CLDN14: variants seen among roughly 807,000 people sequenced by gnomAD.
The protein encoded by CLDN14 is claudin 14, also known as claudin-14.
A neutral mutation model predicts 2.1 loss-of-function variants in CLDN14; 2 were observed. The observed-to-expected ratio is 0.96, with a 90% CI of 0.39 to 3.01. The LOEUF (loss-of-function observed/expected upper bound fraction) is 3.01. Among genes scored for constraint, CLDN14 ranks in the 30% most tolerant of loss-of-function variants. CLDN14 has a pLI of 0.09. For synonymous variants in CLDN14, 136 were observed against 154.4 expected (o/e 0.88, Z 0.88); for missense variants, 298 against 328.0 (o/e 0.91, Z 0.71).
At position 36,544,789 on chromosome 21, in the gene CLDN14, T is replaced by A. The variant is rs2087515916; in HGVS notation, c.-220+31622A>T. The stretch of plus-strand genomic sequence containing the variant: ...TGACAGGGGCAAGACTGCAAGGACA[T>A]CCGCGAAGTAAGACATGTGCACAGA... On this transcript the variant is annotated intron_variant, in intron 1 of 2. Coordinates refer to the CLDN14 transcript ENST00000342108. The surrounding 1 kb of genome is among the most constrained non-coding windows in gnomAD (Gnocchi z 4.1). 1.3e-5 allele frequency among the ~76,000 whole-genome samples: 2 copies of A among 152,148 alleles called. No individual in the cohort carries two copies. The highest frequency in any genetic ancestry group is 4.2e-4 in the South Asian group (2 of 4,818).
Position 36,568,474 on chromosome 21 carries a change from T to C in CLDN14, c.-220+7937A>G, listed in dbSNP as rs572480792. 4.8e-3 allele frequency among the ~76,000 whole-genome samples: 735 copies of C among 152,252 alleles called. 3 individuals are homozygous for C. The highest frequency in any genetic ancestry group is 6.3e-3 in the Non-Finnish European group (427 of 68,024). On this transcript the variant is annotated intron_variant, in intron 1 of 2. Transcript: ENST00000342108. ...TCTTTGCTCTGGAGCCCTCTGTCTT[T>C]CCCTAGAGCCCCTGGCATGGGGATG...
intron 1 of CLDN14, chr21:36,542,846 G>A: frequency 6.5e-6 from 1 of 153,946 alleles, no homozygotes. Flanking sequence ...GCCCGCACCT[G>A]CCCCTGCCCC....
exon 2 of CLDN14, chr21:36,510,496 A>G (rs543178465): frequency 1.3e-5 from 2 of 152,424 alleles, no homozygotes; most frequent in East Asian, 3.9e-4. Flanking sequence ...TGGGCCTTGC[A>G]GCCCCTAGAA....
intron 2 of CLDN14, chr21:36,486,324 A>T: frequency 2.4e-6 from 2 of 817,310 alleles, no homozygotes; most frequent in Non-Finnish European, 4.3e-6. Context: ...CATCTTCAGC[A>T]GGACCTCGTC....
chr21:36,527,268 T>A (rs2087339565), intron 1 of CLDN14, among the ~76,000 whole-genome samples: 1 of 152,098 alleles, frequency 6.6e-6, no homozygotes, highest in Non-Finnish European at 1.5e-5. Flanking sequence ...TAATGAGGAG[T>A]TCCTTAGAGA....
rs768411939 is a variant in CLDN14, at chr21:36,461,628, A to G, written c.68T>C (p.Ile23Thr). 1 of 1,590,208 alleles carries G rather than the reference A, an allele frequency of 6.3e-7. No homozygotes were observed. The highest frequency in any genetic ancestry group is 8.6e-7 in the Non-Finnish European group (1 of 1,169,118). Residue 23 changes from isoleucine (I) to threonine (T), a missense_variant, in exon 2 of 2, where the codon ATC becomes ACC. Physicochemically the swap from Ile to Thr is moderately conservative, Grantham distance 89. Transcript: ENST00000399135. Reference protein sequence around the residue: ...LSFLGMVGTLITTILPHWRRT... With the variant: ...LSFLGMVGTLTTTILPHWRRT... ...CCGCCAGTGCGGCAGGATGGTGGTGATCAACGTGCCCACCATGCCCAGGAA... is the reference window on the plus strand; with the variant it reads ...CCGCCAGTGCGGCAGGATGGTGGTGGTCAACGTGCCCACCATGCCCAGGAA...
At chr21:36,541,353 G>C (rs761459490) in intron 1 of CLDN14, among the ~76,000 whole-genome samples, 2 of 152,140 alleles carry the variant, frequency 1.3e-5, no homozygotes, top group Non-Finnish European at 2.9e-5. Flanking sequence ...CTACTGAAAA[G>C]GTGCATAGGT....
chr21:36,480,084 C>T lies in CLDN14; in HGVS notation c.-671G>A, dbSNP rs1284374706. The stretch of plus-strand genomic sequence containing the variant: ...GACTGTGTCCTCCTCTGAGCCACCA[C>T]CTGGCGGTTGTCCTCACACTGCTTT... On this transcript the variant is annotated 5_prime_UTR_variant, in exon 1 of 2. The change creates a new upstream start codon in the 5' untranslated region. Transcript: ENST00000399135. 1 of 152,552 alleles carries T rather than the reference C, an allele frequency of 6.6e-6. No homozygotes were observed. Among genetic ancestry groups the T allele is most frequent in the Non-Finnish European group, 1.5e-5 (1 of 68,284 alleles). 9.4% of individuals were successfully genotyped at this position (152,552 alleles called of 1,614,324 possible). A position where few individuals can be genotyped will look rare whatever the true frequency, so the allele number is the denominator to read the frequency against.
intron 1 of CLDN14, among the ~76,000 whole-genome samples, chr21:36,467,178 C>T (rs1319575996): frequency 6.6e-6 from 1 of 152,110 alleles, no homozygotes; most frequent in Non-Finnish European, 1.5e-5. Context: ...ATGTTGTCTC[C>T]CTCTGTTTTC....
At chr21:36,524,332 G>A (rs1445614963) in intron 1 of CLDN14, among the ~76,000 whole-genome samples, 1 of 152,154 alleles carries the variant, frequency 6.6e-6, no homozygotes, top group African/African-American at 2.4e-5. Flanking sequence ...ATGTTACCCA[G>A]GCTGGTCACA....
In CLDN14 at chr21:36,523,777, A is replaced by G. The variant is rs4816540; in HGVS notation, c.-219-13277T>C. ...AAAAAAAAAAAGAAAGAAAGAGAGA[A>G]AGAGAGAAAGAAAGAAAGAAAGAAA... On this transcript the variant is annotated intron_variant, in intron 1 of 2. Transcript: ENST00000342108. Among the ~76,000 whole-genome samples the G allele has an allele frequency of 3.3e-4, 23 of 68,904 alleles. 5 individuals are homozygous for G. Among genetic ancestry groups the G allele is most frequent in the East Asian group, 1.4e-3 (4 of 2,954 alleles). 45.2% of individuals were successfully genotyped at this position (68,904 alleles called of 152,430 possible).
At chr21:36,520,390 G>A (rs2087260836) in intron 1 of CLDN14, among the ~76,000 whole-genome samples, 1 of 152,214 alleles carries the variant, frequency 6.6e-6, no homozygotes, top group Admixed American at 6.5e-5. Flanking sequence ...ATTCCCATGT[G>A]TTGTGGGAGG....
chr21:36,501,636 C>T (rs982705780), intron 2 of CLDN14, among the ~76,000 whole-genome samples: 1 of 152,068 alleles, frequency 6.6e-6, no homozygotes, highest in Non-Finnish European at 1.5e-5. Context: ...AGATATTCTG[C>T]TGCTTTGACA....
chr21:36,576,275 C>T (rs2087740934), intron 1 of CLDN14: 1 of 152,338 alleles, frequency 6.6e-6, no homozygotes, highest in East Asian at 1.9e-4. Flanking sequence ...TTCTTTCTTT[C>T]CTTGAACTCC....
chr21:36,531,289 A>ATTTT (rs554734832), intron 1 of CLDN14, among the ~76,000 whole-genome samples: 1 of 149,784 alleles, frequency 6.7e-6, no homozygotes. Flanking sequence ...TTTGCTATAA[A>ATTTT]TGTTTTTTTT....
At chr21:36,564,404 A>G (rs2087658169) in intron 1 of CLDN14, among the ~76,000 whole-genome samples, 1 of 152,238 alleles carries the variant, frequency 6.6e-6, no homozygotes, top group African/African-American at 2.4e-5. Context: ...GCCTTCCATT[A>G]ACACCTCTGA....
chr21:36,523,760 A>AATT (rs1167793677), intron 1 of CLDN14, among the ~76,000 whole-genome samples: 1 of 55,084 alleles, frequency 1.8e-5, no homozygotes, highest in Non-Finnish European at 4.9e-5. Flanking sequence ...AAAAAAAAAA[A>AATT]AAGAAAGAAA....
chr21:36,523,606 T>C (rs1439190812), intron 1 of CLDN14, among the ~76,000 whole-genome samples: 2 of 151,188 alleles, frequency 1.3e-5, no homozygotes, highest in African/African-American at 4.9e-5. Context: ...AAATTAGCCA[T>C]GCGTGGTGGT....
intron 1 of CLDN14, among the ~76,000 whole-genome samples, chr21:36,514,159 A>G (rs1266078683): frequency 1.3e-5 from 2 of 152,204 alleles, no homozygotes; most frequent in Admixed American, 1.3e-4. Context: ...CCCAGTCTAC[A>G]AGTTCTTAAC....
Sources: gnomAD v4.1 joint callset for allele counts (sites outside exome capture counted in the v4.1 genomes callset) on GRCh38, gnomAD v4.1.1 for gene constraint, Gnocchi (gnomAD v3.1) non-coding constraint, MANE v1.5 for transcripts, NCBI Gene and HGNC (gene_info 2026-07-23, HGNC 2026-07-21) for gene names.